The following LMO7 variants were observed in gnomAD, a reference collection of about 807,000 sequenced individuals.
LMO7 encodes the protein LIM domain only protein 7.
Under a neutral mutation model 206.5 loss-of-function variants are expected in LMO7, and 120 were observed. That is an observed-to-expected ratio of 0.58 (90% CI 0.50 to 0.68). LMO7 has a LOEUF of 0.68. Among genes scored for constraint, LMO7 ranks in the 30% least tolerant of loss-of-function variants. LMO7 has a pLI of 0.00. For synonymous variants in LMO7, 706 were observed against 681.5 expected (o/e 1.04, Z -0.56); for missense variants, 1,959 against 1,957.9 (o/e 1.00, Z -0.01).
chr13:75,745,050 G>C (rs546614165), intron 3 of LMO7, among the ~76,000 whole-genome samples: 14 of 152,316 alleles, frequency 9.2e-5, no homozygotes, highest in African/African-American at 3.1e-4. Context: ...AAGAATGATT[G>C]AGTGTGTGTA....
At chr13:75,804,896 G>C in intron 8 of LMO7, 2 of 1,020,278 alleles carry the variant, frequency 2.0e-6, no homozygotes, top group Non-Finnish European at 2.3e-6. Flanking sequence ...TAATTTCTCA[G>C]CAAATTAGCA....
intron 29 of LMO7, among the ~76,000 whole-genome samples, chr13:75,855,600 A>G (rs76834495): frequency 0.017 from 2,620 of 152,328 alleles, 86 homozygotes; most frequent in African/African-American, 0.059. Context: ...AATCTGTTAG[A>G]ATTCTATACA....
At chr13:75,842,985 C>T (rs1007762780) in intron 25 of LMO7, 69 bp downstream of exon 25, 23 of 989,528 alleles carry the variant, frequency 2.3e-5, no homozygotes, top group Non-Finnish European at 3.4e-5. Flanking sequence ...GAGCTTGCAT[C>T]GATGATTTGT....
intron 9 of LMO7, chr13:75,806,438 CA>C (rs2141036337): frequency 6.4e-6 from 1 of 156,496 alleles, no homozygotes; most frequent in Non-Finnish European, 1.4e-5. Flanking sequence ...GCAACTACAT[CA>C]GCTTGGAAGT....
intron 3 of LMO7, among the ~76,000 whole-genome samples, chr13:75,733,898 A>T (rs2045539888): frequency 6.6e-6 from 1 of 152,220 alleles, no homozygotes; most frequent in Admixed American, 6.5e-5. Flanking sequence ...TCTGAAGCTC[A>T]GCCCTGTGTG....
chr13:75,638,502 T>C (rs1034627661), intron 1 of LMO7, among the ~76,000 whole-genome samples: 2 of 152,298 alleles, frequency 1.3e-5, no homozygotes, highest in Admixed American at 6.5e-5. Flanking sequence ...ATTTTGTTCA[T>C]CGTTAGCAGA....
intron 3 of LMO7, among the ~76,000 whole-genome samples, chr13:75,748,033 T>A (rs1034168273): frequency 1.3e-5 from 2 of 152,180 alleles, no homozygotes; most frequent in Admixed American, 1.3e-4. Flanking sequence ...AGGTGTTACT[T>A]GGCAGATTAC....
At chr13:75,831,257 T>C (rs73227993) in intron 15 of LMO7, among the ~76,000 whole-genome samples, 1,690 of 152,296 alleles carry the variant, frequency 0.011, 20 homozygotes, top group Non-Finnish European at 0.016. Flanking sequence ...CACTGAGATA[T>C]AAACAATTAT....
chr13:75,713,258 T>C lies in LMO7; in HGVS notation c.140+6T>C, dbSNP rs2043263543. On this transcript the variant is annotated splice_donor_region_variant and intron_variant, in intron 2 of 30. Transcript: ENST00000377534. ...AATGGTGTTCTGCTGTGTGAGTAAG[T>C]ATTTAAAGTATTTAAAAAATAATTC... is the stretch of plus-strand genomic sequence containing the variant. The C allele has an allele frequency of 6.3e-7, 1 of 1,584,162 alleles. No individual in the cohort carries two copies. The highest frequency in any genetic ancestry group is 8.6e-7 in the Non-Finnish European group (1 of 1,159,066).
At chr13:75,658,780 G>A (rs942199358) in intron 1 of LMO7, among the ~76,000 whole-genome samples, 1 of 151,104 alleles carries the variant, frequency 6.6e-6, no homozygotes, top group African/African-American at 2.4e-5. Flanking sequence ...TAGTAGAGAC[G>A]GGGTTTCACT....
At chr13:75,799,693 T>A (rs2054492263) in intron 6 of LMO7, among the ~76,000 whole-genome samples, 1 of 152,184 alleles carries the variant, frequency 6.6e-6, no homozygotes, top group African/African-American at 2.4e-5. Flanking sequence ...TCTGTATTAG[T>A]AAGCTCATCT....
chr13:75,710,781 G>A (rs369626928), intron 1 of LMO7, among the ~76,000 whole-genome samples: 39 of 151,968 alleles, frequency 2.6e-4, no homozygotes, highest in African/African-American at 7.7e-4. Context: ...CTAATTGAAT[G>A]CCCTTTATTT....
chr13:75,833,911 A>T (rs1033064930), intron 16 of LMO7, among the ~76,000 whole-genome samples: 1 of 152,088 alleles, frequency 6.6e-6, no homozygotes, highest in Non-Finnish European at 1.5e-5. Context: ...AAAATGCAGT[A>T]TGTTTCATAT....
At chr13:75,651,607 C>T (rs2037574747) in intron 1 of LMO7, among the ~76,000 whole-genome samples, 1 of 152,172 alleles carries the variant, frequency 6.6e-6, no homozygotes, top group Non-Finnish European at 1.5e-5. Context: ...GGATTACAGG[C>T]GTGAGCCATC....
intron 12 of LMO7, among the ~76,000 whole-genome samples, chr13:75,818,852 C>T (rs1324359551): frequency 6.6e-6 from 1 of 152,130 alleles, no homozygotes; most frequent in Non-Finnish European, 1.5e-5. Flanking sequence ...CTGTCTCTCC[C>T]CTGTAGACTG....
chr13:75,812,524 C>T (rs1203132682), intron 11 of LMO7, among the ~76,000 whole-genome samples: 1 of 151,318 alleles, frequency 6.6e-6, no homozygotes, highest in Non-Finnish European at 1.5e-5. Context: ...CATGCTGGTT[C>T]TTTTCGATCC....
At chr13:75,776,156 A>T (rs2050374104) in intron 4 of LMO7, among the ~76,000 whole-genome samples, 1 of 81,246 alleles carries the variant, frequency 1.2e-5, no homozygotes. Context: ...CCATGTATAT[A>T]TATCGGATAT....
chr13:75,851,535 TATG>T (rs1312262139), intron 27 of LMO7, among the ~76,000 whole-genome samples: 2 of 152,224 alleles, frequency 1.3e-5, no homozygotes, highest in African/African-American at 4.8e-5. Flanking sequence ...TCTTTCTCCT[TATG>T]ATAATGTATC....
chr13:75,784,617 A>G (rs550347285), intron 4 of LMO7, among the ~76,000 whole-genome samples: 2 of 152,346 alleles, frequency 1.3e-5, no homozygotes, highest in African/African-American at 4.8e-5. Flanking sequence ...GAATAGGTGC[A>G]GTGATAACTT....
Sources: allele counts gnomAD v4.1 joint callset (sites outside exome capture counted in the v4.1 genomes callset), GRCh38; gene constraint gnomAD v4.1.1; transcripts MANE v1.5; gene names NCBI Gene and HGNC (gene_info 2026-07-23, HGNC 2026-07-21).